ANKS1A: variants seen among roughly 807,000 people sequenced by gnomAD.
The protein encoded by ANKS1A is ankyrin repeat and sterile alpha motif domain containing 1A.
ANKS1A carries 55 observed loss-of-function variants against 120.3 expected under a neutral mutation model. The ratio of observed to expected loss-of-function variants is 0.46; its 90% CI spans 0.37 to 0.57. The LOEUF is 0.57. ANKS1A is among the 20% of genes least tolerant of loss of function. The pLI is 0.00. For missense variants in ANKS1A, 1,123 were observed against 1,480.3 expected, an observed-to-expected ratio of 0.76 and a Z score of 3.96; for synonymous variants, 590 against 604.7, an observed-to-expected ratio of 0.98 and a Z score of 0.36.
At chr6:34,992,235 G>A (rs992138848) in intron 9 of ANKS1A, among the ~76,000 whole-genome samples, 4 of 152,292 alleles carry the variant, frequency 2.6e-5, no homozygotes, top group South Asian at 2.1e-4. Flanking sequence ...TGTCATCTAC[G>A]AATGAAAGAG....
At chr6:35,072,437 C>G (rs820067) in intron 13 of ANKS1A, among the ~76,000 whole-genome samples, 1 of 152,160 alleles carries the variant, frequency 6.6e-6, no homozygotes, top group Non-Finnish European at 1.5e-5. Context: ...CCATGGTAGA[C>G]GCTTCACGTG....
intron 1 of ANKS1A, among the ~76,000 whole-genome samples, chr6:34,900,007 G>A (rs1388263718): frequency 6.6e-6 from 1 of 152,218 alleles, no homozygotes; most frequent in Admixed American, 6.5e-5. Context: ...GTGTATTTGG[G>A]ATGGGTGGGA....
chr6:34,900,836 T>G (rs762573862), intron 1 of ANKS1A, among the ~76,000 whole-genome samples: 1 of 151,694 alleles, frequency 6.6e-6, no homozygotes, highest in African/African-American at 2.4e-5. Context: ...TACAGTGAGG[T>G]AGGCTCATTA....
chr6:34,912,631 T>C (rs1373589370), intron 1 of ANKS1A, among the ~76,000 whole-genome samples: 1 of 152,174 alleles, frequency 6.6e-6, no homozygotes. Context: ...ACCTAACAGA[T>C]AGTAAGGATT....
intron 1 of ANKS1A, among the ~76,000 whole-genome samples, chr6:34,890,387 G>C (rs1581650115): frequency 1.3e-5 from 2 of 152,206 alleles, no homozygotes; most frequent in East Asian, 3.9e-4. Flanking sequence ...ACCGCGCCTG[G>C]CCCCTCGCTT....
chr6:34,918,686 G>A (rs1768288690), intron 1 of ANKS1A, among the ~76,000 whole-genome samples: 1 of 152,148 alleles, frequency 6.6e-6, no homozygotes, highest in Non-Finnish European at 1.5e-5. Flanking sequence ...TCTGTTTCCT[G>A]AATTGTATTG....
At chr6:34,913,898 A>C (rs1387504788) in intron 1 of ANKS1A, among the ~76,000 whole-genome samples, 3 of 151,948 alleles carry the variant, frequency 2.0e-5, no homozygotes, top group Non-Finnish European at 4.4e-5. Flanking sequence ...TACAGGTGTA[A>C]GTCACTGTGC....
chr6:34,904,789 ATTTTCTTTTCTTTTCTTTT>A (rs1554131746), intron 1 of ANKS1A, among the ~76,000 whole-genome samples: 1 of 151,804 alleles, frequency 6.6e-6, no homozygotes, highest in African/African-American at 2.4e-5. Context: ...TCTGATTCTG[ATTTTCTTTTCTTTTCTTTT>A]TTTTCTTTTC....
intron 10 of ANKS1A, among the ~76,000 whole-genome samples, chr6:35,006,534 C>T (rs1299032616): frequency 6.6e-6 from 1 of 151,622 alleles, no homozygotes; most frequent in Non-Finnish European, 1.5e-5. Context: ...GCGGGTGGAT[C>T]AGGAGATCAG....
chr6:35,053,890 A>G (rs1169822236), intron 11 of ANKS1A, among the ~76,000 whole-genome samples: 1 of 152,222 alleles, frequency 6.6e-6, no homozygotes, highest in Admixed American at 6.5e-5. Flanking sequence ...CACTCCCTTC[A>G]GAGCAGTACA....
At chr6:34,939,797 A>G (rs1254028352) in intron 1 of ANKS1A, among the ~76,000 whole-genome samples, 2 of 152,238 alleles carry the variant, frequency 1.3e-5, no homozygotes, top group African/African-American at 4.8e-5. Context: ...GTATTTGTTA[A>G]TGGCTGTTCT....
chr6:35,089,315 T>C lies in ANKS1A; in HGVS notation c.*706T>C. 2.0e-6 allele frequency: 2 copies of C among 987,708 alleles called. No individual in the cohort carries two copies. The highest frequency in any genetic ancestry group is 2.4e-6 in the Non-Finnish European group (2 of 831,296). 61.2% of individuals were successfully genotyped at this position (987,708 alleles called of 1,614,324 possible). A position where few individuals can be genotyped will look rare whatever the true frequency, so the allele number is the denominator to read the frequency against. Reference sequence around the variant, plus strand: ...GGAAGGTTCAGTGGCCAAATGAAGATAAGTGTGCAGTTTCTAGTGCTGGGA... The same window carrying C: ...GGAAGGTTCAGTGGCCAAATGAAGACAAGTGTGCAGTTTCTAGTGCTGGGA... On this transcript the variant is annotated 3_prime_UTR_variant, in exon 24 of 24. Transcript: ENST00000360359.
chr6:34,991,541 T>C (rs201664209), intron 9 of ANKS1A, among the ~76,000 whole-genome samples: 2,288 of 138,468 alleles, frequency 0.017, 90 homozygotes, highest in East Asian at 0.073. Context: ...AAAAAATATA[T>C]ACACACACAC....
In ANKS1A at chr6:35,083,066, C is replaced by T. The variant is rs977326379; in HGVS notation, c.2836-89C>T. 23 of 1,517,488 alleles carry T rather than the reference C, an allele frequency of 1.5e-5. No homozygotes were observed. The East Asian group carries it at 4.1e-4, about 27-fold the overall frequency. 94.0% of individuals were successfully genotyped at this position (1,517,488 alleles called of 1,614,324 possible). ...GTGTTGTTATTGAGAGGGGTAACTA[C>T]TTGATTGTGGGACAGTCCCAAATTG... On this transcript the variant is annotated intron_variant, in intron 18 of 23. Coordinates refer to ENST00000360359, the MANE Select transcript of ANKS1A (RefSeq NM_015245.3).
At chr6:35,043,970 G>T (rs750421095) in intron 11 of ANKS1A, among the ~76,000 whole-genome samples, 3 of 152,200 alleles carry the variant, frequency 2.0e-5, no homozygotes, top group Non-Finnish European at 4.4e-5. Context: ...TTTAAAAAAT[G>T]ATCTCATTAT....
At position 35,086,181 on chromosome 6, in the gene ANKS1A, C is replaced by A. The variant is rs1777966257; in HGVS notation, c.3303+245C>A. ...TCGCTGGGCTCCCCCAAGGGCAAGG[C>A]CGTCAAGGGGCTGCAGAGAGCGGCC... is the stretch of plus-strand genomic sequence containing the variant. On this transcript the variant is annotated intron_variant, in intron 22 of 23. Transcript: ENST00000360359. This position sits in a 1 kb window ranked among gnomAD's most constrained non-coding sequence, Gnocchi z 5.1. The A allele has an allele frequency of 7.9e-7, 1 of 1,266,588 alleles. No homozygotes were observed. The highest frequency in any genetic ancestry group is 1.1e-6 in the Non-Finnish European group (1 of 928,320). 78.5% of individuals were successfully genotyped at this position (1,266,588 alleles called of 1,614,324 possible). A position where few individuals can be genotyped will look rare whatever the true frequency, so the allele number is the denominator to read the frequency against.
intron 1 of ANKS1A, among the ~76,000 whole-genome samples, chr6:34,915,596 A>C (rs544182046): frequency 1.3e-5 from 2 of 152,146 alleles, no homozygotes; most frequent in African/African-American, 4.8e-5. Flanking sequence ...GTCCTCCTGC[A>C]TCAGCCTCCC....
intron 11 of ANKS1A, among the ~76,000 whole-genome samples, chr6:35,034,654 G>T (rs1457363688): frequency 1.3e-5 from 2 of 152,182 alleles, no homozygotes; most frequent in Non-Finnish European, 2.9e-5. Context: ...TATTACTCAG[G>T]CCGGTATCAT....
intron 1 of ANKS1A, among the ~76,000 whole-genome samples, chr6:34,922,431 TA>T (rs927514720): frequency 6.6e-5 from 10 of 152,218 alleles, no homozygotes; most frequent in African/African-American, 2.4e-4. Flanking sequence ...CAATTCAAGC[TA>T]TTGTTTTCAC....
Sources: allele counts gnomAD v4.1 joint callset (sites outside exome capture counted in the v4.1 genomes callset), GRCh38; gene constraint gnomAD v4.1.1; non-coding constraint Gnocchi (gnomAD v3.1); transcripts MANE v1.5; gene names NCBI Gene and HGNC (gene_info 2026-07-23, HGNC 2026-07-21).